The following POLDIP2 variants were observed in gnomAD, a reference collection of about 807,000 sequenced individuals.
POLDIP2 encodes DNA polymerase delta interacting protein 2, also known as polymerase delta-interacting protein 2.
Under a neutral mutation model 52.9 loss-of-function variants are expected in POLDIP2, and 32 were observed. The observed-to-expected ratio is 0.61, with a 90% CI of 0.46 to 0.81. The LOEUF (loss-of-function observed/expected upper bound fraction) is 0.81, where lower values mean the gene tolerates loss of function less well. POLDIP2 is among the 40% of genes least tolerant of loss of function. The pLI, the probability that POLDIP2 is intolerant of heterozygous loss-of-function variation, is 0.00. For synonymous variants in POLDIP2, 183 were observed against 183.0 expected, an observed-to-expected ratio of 1.00 and a Z score of 0.00; for missense variants, 371 against 477.3, an observed-to-expected ratio of 0.78 and a Z score of 2.07.
chr17:28,351,890 C>T lies in POLDIP2; in HGVS notation c.623-90G>A, dbSNP rs111610821. ...CACACAATAGTCCAGTGCGATTGCC[C>T]CTCCTAGAAAACCCTCCCTAGTGGT... is the stretch of plus-strand genomic sequence containing the variant. On this transcript the variant is annotated intron_variant, in intron 6 of 10. Coordinates refer to ENST00000540200, the MANE Select transcript of POLDIP2 (RefSeq NM_015584.5). 2,263 of 1,259,930 alleles carry T rather than the reference C, an allele frequency of 1.8e-3. 23 individuals carry two copies. In the African/African-American group the frequency reaches 0.03, roughly 17 times the overall value. The allele number at this position is 1,259,930 out of a possible 1,614,324, so 78.0% of individuals were successfully genotyped here.
chr17:28,350,927 G>A, intron 7 of POLDIP2, 135 bp from the exon 8 acceptor site: 1 of 763,952 alleles, frequency 1.3e-6, no homozygotes, highest in South Asian at 1.6e-5. Flanking sequence ...GTGGGATAAG[G>A]GTGATAGCTG....
At chr17:28,349,273 G>C in intron 9 of POLDIP2, 111 bp from the exon 10 acceptor site, 2 of 687,416 alleles carry the variant, frequency 2.9e-6, no homozygotes, top group Non-Finnish European at 5.1e-6. Context: ...CCCCTACCCA[G>C]CCACCACCAC....
At position 28,353,222 on chromosome 17, in the gene POLDIP2, T is replaced by G. The variant is rs1907878036; in HGVS notation, c.514+19A>C. The G allele has an allele frequency of 7.4e-7, 1 of 1,345,420 alleles. No individual in the cohort carries two copies. Among genetic ancestry groups the G allele is most frequent in the African/African-American group, 1.4e-5 (1 of 69,682 alleles). 83.3% of individuals were successfully genotyped at this position (1,345,420 alleles called of 1,614,324 possible). The stretch of plus-strand genomic sequence containing the variant: ...CAGACTCCTTCTTGACGGGCACCAT[T>G]CAAATGCTAACTACTCACCTGGGAT... On this transcript the variant is annotated intron_variant, in intron 5 of 10. Transcript: ENST00000540200.
At position 28,353,110 on chromosome 17, in the gene POLDIP2, A is replaced by G. The variant is rs1205550269; in HGVS notation, c.515-91T>C. The G allele has an allele frequency of 1.1e-5, 8 of 753,148 alleles. No homozygotes were observed. In the African/African-American group the frequency reaches 1.2e-4, roughly 11 times the overall value. The allele number at this position is 753,148 out of a possible 1,614,324, so 46.7% of individuals were successfully genotyped here. A position where few individuals can be genotyped will look rare whatever the true frequency, so the allele number is the denominator to read the frequency against. The stretch of plus-strand genomic sequence containing the variant: ...AAACATTAACTGGCCTTGTTCCAGT[A>G]TGGGATAACCCTGATATCATACCTC... On this transcript the variant is annotated intron_variant, in intron 5 of 10. Coordinates refer to ENST00000540200, the MANE Select transcript of POLDIP2 (RefSeq NM_015584.5).
chr17:28,353,825 C>A, intron 3 of POLDIP2, 34 bp from the exon 4 acceptor site: 1 of 1,411,460 alleles, frequency 7.1e-7, no homozygotes, highest in Non-Finnish European at 1.0e-6. Context: ...AAGATCACCC[C>A]AGGAGAAATG....
intron 1 of POLDIP2, among the ~76,000 whole-genome samples, chr17:28,356,716 G>A (rs1555580992): frequency 6.6e-6 from 1 of 152,174 alleles, no homozygotes; most frequent in East Asian, 1.9e-4. Context: ...TTTTGAAGAT[G>A]TGAACTTTAT....
At position 28,351,760 on chromosome 17, in the gene POLDIP2, T is replaced by C. The variant is rs1555580008; in HGVS notation, c.663A>G (p.Gln221=). The change falls in exon 7 of 11, where the codon CAA becomes CAG. Residue 221 remains glutamine (Q), a synonymous_variant. Transcript: ENST00000540200. The stretch of plus-strand genomic sequence containing the variant: ...GCTCCAGCCAGGGGTGATTCTTCTC[T>C]TGCCAGGCCCTTAGCGTCTCCCGAG... ...FVARETLRAW[Q]EKNHPWLELS... is the part of the protein sequence containing the mutation. 2 of 1,613,008 alleles carry C rather than the reference T, an allele frequency of 1.2e-6. No homozygotes were observed. The highest frequency in any genetic ancestry group is 2.7e-5 in the African/African-American group (2 of 74,920).
chr17:28,353,887 C>T lies in POLDIP2; in HGVS notation c.342-96G>A, dbSNP rs1907918361. The T allele has an allele frequency of 3.7e-6, 3 of 812,108 alleles. No homozygotes were observed. The South Asian group carries it at 4.1e-5, about 11-fold the overall frequency. 50.3% of individuals were successfully genotyped at this position (812,108 alleles called of 1,614,324 possible). ...CTCCTCCTCACCTAAACAGGCTGGT[C>T]TCTGATCTAAAGGGGCTTTAGCACC... On this transcript the variant is annotated intron_variant, in intron 3 of 10. Coordinates refer to ENST00000540200, the MANE Select transcript of POLDIP2 (RefSeq NM_015584.5).
intron 5 of POLDIP2, 26 bp downstream of exon 5, chr17:28,353,215 G>A (rs1555580344): frequency 1.7e-6 from 2 of 1,192,422 alleles, no homozygotes; most frequent in Non-Finnish European, 2.5e-6. Context: ...TTCTTGACGG[G>A]CACCATTCAA....
intron 1 of POLDIP2, among the ~76,000 whole-genome samples, chr17:28,356,611 G>T (rs1908043367): frequency 6.6e-6 from 1 of 152,122 alleles, no homozygotes; most frequent in South Asian, 2.1e-4. Context: ...TCTCCCCAAT[G>T]TTCAGTGTCT....
chr17:28,347,735 G>A lies in POLDIP2; in HGVS notation c.*382C>T, dbSNP rs3093714. 7.8e-3 allele frequency: 1,367 copies of A among 174,206 alleles called. 12 individuals carry two copies. Among genetic ancestry groups the A allele is most frequent in the African/African-American group, 0.031 (1,292 of 41,990 alleles). 10.8% of individuals were successfully genotyped at this position (174,206 alleles called of 1,614,324 possible). The stretch of plus-strand genomic sequence containing the variant: ...GGCAGCAAAGAAAGCAGTCAAGGGC[G>A]CACACTGGGTCAGAAGGGGAGCCTG... On this transcript the variant is annotated 3_prime_UTR_variant, in exon 11 of 11. Transcript: ENST00000540200.
chr17:28,355,024 G>T (rs1160132593), intron 2 of POLDIP2, among the ~76,000 whole-genome samples: 3 of 152,110 alleles, frequency 2.0e-5, no homozygotes, highest in African/African-American at 4.8e-5. Context: ...ATCCTAGAAG[G>T]GCCTAAATCT....
rs1907615486 is a variant in POLDIP2 at position 28,347,325 on chromosome 17, G to A, written c.*792C>T. 6.6e-6 allele frequency: 1 copy of A among 152,250 alleles called. No individual in the cohort carries two copies. Among genetic ancestry groups the A allele is most frequent in the Non-Finnish European group, 1.5e-5 (1 of 68,046 alleles). 9.4% of individuals were successfully genotyped at this position (152,250 alleles called of 1,614,324 possible). A position where few individuals can be genotyped will look rare whatever the true frequency, so the allele number is the denominator to read the frequency against. The stretch of plus-strand genomic sequence containing the variant: ...TCTTGGAAATCTGAGAGAAGCTCAG[G>A]AAGTAGCTTGACTTAGTCATCAATC... On this transcript the variant is annotated 3_prime_UTR_variant, in exon 11 of 11. Transcript: ENST00000540200.
chr17:28,348,032 G>T lies in POLDIP2; in HGVS notation c.*85C>A. The T allele has an allele frequency of 2.6e-6, 2 of 771,562 alleles. No individual in the cohort carries two copies. 47.8% of individuals were successfully genotyped at this position (771,562 alleles called of 1,614,324 possible). On this transcript the variant is annotated 3_prime_UTR_variant, in exon 11 of 11. Coordinates refer to ENST00000540200, the MANE Select transcript of POLDIP2 (RefSeq NM_015584.5). ...TAAGAGACCCACTGTGGCCCATGAT[G>T]GGGAGAGAAGAGTTCTGCAGCAATT...
Position 28,353,778 on chromosome 17 carries a change from C to T in POLDIP2, c.355G>A (p.Ala119Thr). The T allele has an allele frequency of 6.2e-7, 1 of 1,612,494 alleles. No homozygotes were observed. Among genetic ancestry groups the T allele is most frequent in the Non-Finnish European group, 8.5e-7 (1 of 1,178,726 alleles). The change falls in exon 4 of 11, where the codon GCT becomes ACT. Residue 119 changes from alanine (A) to threonine (T), a missense_variant. Physicochemically the swap from Ala to Thr is moderately conservative, Grantham distance 58. Coordinates refer to ENST00000540200, the MANE Select transcript of POLDIP2 (RefSeq NM_015584.5). ...TTCACCTCCTTGGAGCCATGGCCAGCAGGGTTCTCTGCTCTATGGGGTGGG... is the reference window on the plus strand; with the variant it reads ...TTCACCTCCTTGGAGCCATGGCCAGTAGGGTTCTCTGCTCTATGGGGTGGG... Reference protein sequence around the residue: ...SAAPEKAENPAGHGSKEVKGK... With the variant: ...SAAPEKAENPTGHGSKEVKGK...
In POLDIP2 at chr17:28,349,137, G is replaced by A; in HGVS notation, c.938C>T (p.Pro313Leu). Residue 313 changes from proline (P) to leucine (L), a missense_variant, in exon 10 of 11, where the codon CCT becomes CTT. Physicochemically the swap from Pro to Leu is moderately conservative, Grantham distance 98 (BLOSUM62 -3). Coordinates refer to ENST00000540200, the MANE Select transcript of POLDIP2 (RefSeq NM_015584.5). ...GREPVLSKEQ[P>L]AFQYSSHVSL... Reference sequence around the variant, plus strand: ...GACGTGGCTGCTATACTGGAACGCAGGCTGCTCCTTGGATAACACTGGTTC... The same window carrying A: ...GACGTGGCTGCTATACTGGAACGCAAGCTGCTCCTTGGATAACACTGGTTC... 6.2e-7 allele frequency: 1 copy of A among 1,613,388 alleles called. No individual in the cohort carries two copies. Among genetic ancestry groups the A allele is most frequent in the Non-Finnish European group, 8.5e-7 (1 of 1,179,632 alleles).
Position 28,347,854 on chromosome 17 carries a change from G to A in POLDIP2, c.*263C>T. On this transcript the variant is annotated 3_prime_UTR_variant, in exon 11 of 11. Coordinates refer to ENST00000540200, the MANE Select transcript of POLDIP2 (RefSeq NM_015584.5). ...CAGGCCAGGAAACTCCTCCAGGCCT[G>A]TGGCAGCTGAACACAGTTCCTTGGT... is the stretch of plus-strand genomic sequence containing the variant. 1 of 439,280 alleles carries A rather than the reference G, an allele frequency of 2.3e-6. No individual in the cohort carries two copies. Among genetic ancestry groups the A allele is most frequent in the African/African-American group, 2.0e-5 (1 of 49,530 alleles). The allele number at this position is 439,280 out of a possible 1,614,324, so 27.2% of individuals were successfully genotyped here. A position where few individuals can be genotyped will look rare whatever the true frequency, so the allele number is the denominator to read the frequency against.
intron 2 of POLDIP2, 94 bp downstream of exon 2, chr17:28,355,701 G>A: frequency 1.4e-6 from 1 of 708,694 alleles, no homozygotes; most frequent in Non-Finnish European, 2.4e-6. Flanking sequence ...GGAATGAATG[G>A]AACACCATAC....
Position 28,354,497 on chromosome 17 carries a change from G to T in POLDIP2, c.332C>A (p.Ala111Asp). ...CCACAGGGAAACTTACTTTTCTGGAGCTGCAGAAGCCACATCCCGGTCATA... is the reference window on the plus strand; with the variant it reads ...CCACAGGGAAACTTACTTTTCTGGATCTGCAGAAGCCACATCCCGGTCATA... ...RLYDRDVASA[A>D]PEKAENPAGH... Residue 111 changes from alanine to aspartate, a missense_variant, in exon 3 of 11, where the codon GCT becomes GAT. Physicochemically the swap from Ala to Asp is moderately radical, Grantham distance 126. Coordinates refer to ENST00000540200, the MANE Select transcript of POLDIP2 (RefSeq NM_015584.5). 1 of 1,553,914 alleles carries T rather than the reference G, an allele frequency of 6.4e-7. No homozygotes were observed. The highest frequency in any genetic ancestry group is 8.7e-7 in the Non-Finnish European group (1 of 1,148,028).
Sources: gnomAD v4.1 joint callset for allele counts (sites outside exome capture counted in the v4.1 genomes callset) on GRCh38, gnomAD v4.1.1 for gene constraint, MANE v1.5 for transcripts, NCBI Gene and HGNC (gene_info 2026-07-23, HGNC 2026-07-21) for gene names.